GALNT2: variants seen among roughly 807,000 people sequenced by gnomAD.
The protein encoded by GALNT2 is UDP-GalNAc:polypeptide N-acetylgalactosaminyltransferase 2.
GALNT2 carries 31 observed loss-of-function variants against 81.4 expected under a neutral mutation model. The ratio of observed to expected loss-of-function variants is 0.38; its 90% CI spans 0.29 to 0.51. GALNT2 has a LOEUF of 0.51. Among genes scored for constraint, GALNT2 ranks in the 20% least tolerant of loss-of-function variants. The pLI, the probability that GALNT2 is intolerant of heterozygous loss-of-function variation, is 0.87. For synonymous variants in GALNT2, 303 were observed against 287.4 expected (o/e 1.05, Z -0.55); for missense variants, 629 against 765.7 (o/e 0.82, Z 2.11).
chr1:230,271,688 T>G lies in GALNT2; in HGVS notation c.1441-2757T>G, dbSNP rs187170540. ...GGCTTACCTGTTCATTAGGAAAGAC[T>G]GAAACCCAGGAGCAGCTGGACGGGA... On this transcript the variant is annotated intron_variant, in intron 14 of 15. Coordinates refer to ENST00000366672, the MANE Select transcript of GALNT2 (RefSeq NM_004481.5). The surrounding 1 kb of genome is among the most constrained non-coding windows in gnomAD (Gnocchi z 4.2). Among the ~76,000 whole-genome samples the G allele has an allele frequency of 1.9e-3, 279 of 146,484 alleles. No homozygotes were observed. Among genetic ancestry groups the G allele is most frequent in the Middle Eastern group, 0.014 (4 of 292 alleles).
intron 1 of GALNT2, among the ~76,000 whole-genome samples, chr1:230,121,321 G>A (rs570079856): frequency 4.6e-5 from 7 of 152,336 alleles, no homozygotes; most frequent in South Asian, 2.1e-4. Flanking sequence ...GTCCCGTGGC[G>A]GGCGGTGGGG....
At chr1:230,180,219 A>C (rs1572055990) in intron 2 of GALNT2, among the ~76,000 whole-genome samples, 1 of 149,834 alleles carries the variant, frequency 6.7e-6, no homozygotes, top group Admixed American at 6.7e-5. Context: ...CGCCTGGCCT[A>C]CTTTGGTGTT....
At chr1:230,135,696 T>A (rs1476104271) in intron 1 of GALNT2, among the ~76,000 whole-genome samples, 6 of 152,080 alleles carry the variant, frequency 3.9e-5, no homozygotes, top group Non-Finnish European at 2.9e-5. Context: ...AGATGAATGC[T>A]CTTTCCCTTT....
At position 230,278,483 on chromosome 1, in the gene GALNT2, G is replaced by A. The variant is rs1161948208; in HGVS notation, c.1561-820G>A. Among the ~76,000 whole-genome samples the A allele has an allele frequency of 6.6e-5, 10 of 152,182 alleles. No individual in the cohort carries two copies. In the East Asian group the frequency reaches 1.9e-3, roughly 29 times the overall value. ...GGCTCCTCAGATTTCCTTCAGGCTG[G>A]GTTGTGCACTTTGATTCTGGCTTAG... On this transcript the variant is annotated intron_variant, in intron 15 of 15. Coordinates refer to ENST00000366672, the MANE Select transcript of GALNT2 (RefSeq NM_004481.5).
intron 1 of GALNT2, among the ~76,000 whole-genome samples, chr1:230,062,227 C>A (rs1263599170): frequency 6.6e-6 from 1 of 151,952 alleles, no homozygotes; most frequent in Non-Finnish European, 1.5e-5. Context: ...TCTGTTTATG[C>A]TTTTCGCCAT....
At chr1:230,129,675 T>C (rs536275012) in intron 1 of GALNT2, among the ~76,000 whole-genome samples, 10 of 152,260 alleles carry the variant, frequency 6.6e-5, no homozygotes, top group Middle Eastern at 3.4e-3. Flanking sequence ...TTACTTTTTT[T>C]CCCCCCAAAA....
At chr1:230,067,191 C>T (rs958327709), upstream of GALNT2, 40 of 786,364 alleles carry the variant, frequency 5.1e-5, no homozygotes, top group Admixed American at 1.5e-4. Flanking sequence ...TCCCCTTCCT[C>T]CGCTCCTCCC....
At chr1:230,172,733 T>A (rs1662834744) in intron 1 of GALNT2, among the ~76,000 whole-genome samples, 1 of 152,218 alleles carries the variant, frequency 6.6e-6, no homozygotes, top group African/African-American at 2.4e-5. Context: ...TTTTTCTTAT[T>A]TGGATCAGAG....
chr1:230,077,005 C>A (rs1344129243), intron 1 of GALNT2, among the ~76,000 whole-genome samples: 1 of 152,130 alleles, frequency 6.6e-6, no homozygotes, highest in Non-Finnish European at 1.5e-5. Context: ...GCTAAATTGC[C>A]CTGTGAGAGC....
intron 1 of GALNT2, among the ~76,000 whole-genome samples, chr1:230,081,502 A>G (rs1659728467): frequency 6.6e-6 from 1 of 152,166 alleles, no homozygotes; most frequent in South Asian, 2.1e-4. Context: ...TTAATTTGAA[A>G]ACTTTTCTGC....
intron 1 of GALNT2, among the ~76,000 whole-genome samples, chr1:230,110,784 A>G (rs977391425): frequency 7.3e-5 from 11 of 150,614 alleles, no homozygotes; most frequent in African/African-American, 2.7e-4. Context: ...GGGAATGCAA[A>G]TACATTGAGC....
intron 2 of GALNT2, among the ~76,000 whole-genome samples, chr1:230,182,050 G>A (rs1663176419): frequency 6.6e-6 from 1 of 152,118 alleles, no homozygotes; most frequent in Non-Finnish European, 1.5e-5. Context: ...ATTCCGTATT[G>A]TCCTTTTCAT....
chr1:230,116,665 C>G (rs1376775492), intron 1 of GALNT2, among the ~76,000 whole-genome samples: 1 of 152,092 alleles, frequency 6.6e-6, no homozygotes, highest in Non-Finnish European at 1.5e-5. Context: ...CTTGGGTGAC[C>G]AGGTGTGTCA....
chr1:230,168,611 T>C (rs886930893), intron 1 of GALNT2, among the ~76,000 whole-genome samples: 1 of 152,236 alleles, frequency 6.6e-6, no homozygotes, highest in Non-Finnish European at 1.5e-5. Flanking sequence ...TTGACGGATG[T>C]TGGCCCAGGA....
At chr1:230,093,708 T>C (rs144090352) in intron 1 of GALNT2, among the ~76,000 whole-genome samples, 50 of 152,362 alleles carry the variant, frequency 3.3e-4, no homozygotes, top group African/African-American at 1.2e-3. Flanking sequence ...TAAGATTATA[T>C]ACTGTATTTT....
chr1:230,236,080 A>T lies in GALNT2; in HGVS notation c.441A>T (p.Glu147Asp). The part of the protein sequence containing the change: ...ATSVVITFHN[E>D]ARSALLRTVV... ...GCGTGGTGATCACGTTTCACAATGA[A>T]GCCAGGTCGGCCCTACTCAGGACCG... The change falls in exon 4 of 16, where the codon GAA (glutamate) becomes GAT (aspartate). Residue 147 changes from glutamate to aspartate, a missense_variant. Around this residue, in one of 3 missense-constraint regions of GALNT2, gnomAD observed 360 missense variants for 492.8 expected, o/e 0.73. Transcript: ENST00000366672. The T allele has an allele frequency of 6.2e-7, 1 of 1,614,074 alleles. No homozygotes were observed. The highest frequency in any genetic ancestry group is 8.5e-7 in the Non-Finnish European group (1 of 1,180,016).
At chr1:230,236,225 C>G in intron 4 of GALNT2, 113 bp downstream of exon 4, 1 of 1,348,458 alleles carries the variant, frequency 7.4e-7, no homozygotes, top group Non-Finnish European at 1.0e-6. Context: ...CCTGACTGCT[C>G]AGCACAGGGT....
At chr1:230,110,714 G>GTGTTTTTTTTTTTTT (rs1553257212) in intron 1 of GALNT2, among the ~76,000 whole-genome samples, 2 of 137,652 alleles carry the variant, frequency 1.5e-5, no homozygotes, top group African/African-American at 2.7e-5. Flanking sequence ...GTGCTTTTCT[G>GTGTTTTTTTTTTTTT]TTTTTTTTTT....
intron 2 of GALNT2, among the ~76,000 whole-genome samples, chr1:230,182,302 T>G (rs1461615156): frequency 6.6e-6 from 1 of 152,196 alleles, no homozygotes; most frequent in Non-Finnish European, 1.5e-5. Context: ...TTCTAGTTTT[T>G]TCAAGTAGAA....
Sources: allele counts gnomAD v4.1 joint callset (sites outside exome capture counted in the v4.1 genomes callset), GRCh38; gene constraint gnomAD v4.1.1; regional missense constraint gnomAD v4.1.1; non-coding constraint Gnocchi (gnomAD v3.1); transcripts MANE v1.5; gene names NCBI Gene and HGNC (gene_info 2026-07-23, HGNC 2026-07-21).